Variants in CTNND2 observed in about 807,000 individuals in gnomAD.
CTNND2 encodes the protein catenin delta 2, also known as catenin delta-2.
In CTNND2, 22 loss-of-function variants were observed where a neutral mutation model predicts 144.4. The observed-to-expected ratio is 0.15, with a 90% CI of 0.11 to 0.22. CTNND2 has a LOEUF of 0.22. CTNND2 is among the 10% of genes least tolerant of loss of function. The probability of loss-of-function intolerance (pLI) is 1.00; values close to 1 mark genes in which losing one functional copy is unlikely to be tolerated. For synonymous variants in CTNND2, 751 were observed against 695.6 expected (o/e 1.08, Z -1.25); for missense variants, 1,353 against 1,618.8 (o/e 0.84, Z 2.82).
At chr5:11,838,102 T>C (rs1794274824) in intron 1 of CTNND2, among the ~76,000 whole-genome samples, 2 of 152,200 alleles carry the variant, frequency 1.3e-5, no homozygotes, top group South Asian at 4.1e-4. Flanking sequence ...CCAAACATTT[T>C]TTTGCACCTT....
chr5:11,021,066 G>A (rs1490490276), intron 17 of CTNND2, among the ~76,000 whole-genome samples: 1 of 152,154 alleles, frequency 6.6e-6, no homozygotes, highest in Admixed American at 6.5e-5. Flanking sequence ...TTCTTCAAGT[G>A]ATTTGTAATA....
intron 10 of CTNND2, among the ~76,000 whole-genome samples, chr5:11,215,123 T>G (rs1404150976): frequency 3.3e-5 from 5 of 152,182 alleles, no homozygotes; most frequent in Non-Finnish European, 5.9e-5. Flanking sequence ...TTTTGACTAC[T>G]GACTTTGAAC....
At position 11,110,843 on chromosome 5, in the gene CTNND2, A is replaced by T; in HGVS notation, c.2463+15T>A. 1 of 1,604,274 alleles carries T rather than the reference A, an allele frequency of 6.2e-7. No homozygotes were observed. The highest frequency in any genetic ancestry group is 8.5e-7 in the Non-Finnish European group (1 of 1,175,214). ...AAGGGGATAATTGCATGCAGCTGCAAGCAGCCTGCATCACCTGATCTTGGG... is the reference window on the plus strand; with the variant it reads ...AAGGGGATAATTGCATGCAGCTGCATGCAGCCTGCATCACCTGATCTTGGG... On this transcript the variant is annotated intron_variant, in intron 14 of 21. Transcript: ENST00000304623.
chr5:11,822,743 G>A (rs1313735845), intron 1 of CTNND2, among the ~76,000 whole-genome samples: 1 of 152,110 alleles, frequency 6.6e-6, no homozygotes, highest in African/African-American at 2.4e-5. Flanking sequence ...AAGTCAGTTA[G>A]GATATAAAGA....
At chr5:11,167,392 G>A (rs1759444746) in intron 11 of CTNND2, among the ~76,000 whole-genome samples, 1 of 152,184 alleles carries the variant, frequency 6.6e-6, no homozygotes, top group Non-Finnish European at 1.5e-5. Flanking sequence ...GCCCCAGAAT[G>A]GATGAAGAAT....
intron 3 of CTNND2, among the ~76,000 whole-genome samples, chr5:11,481,217 T>G (rs145772407): frequency 1.6e-3 from 248 of 152,236 alleles, no homozygotes; most frequent in African/African-American, 5.5e-3. Flanking sequence ...ATTGAAAAAT[T>G]TGATACCTTG....
chr5:11,583,725 T>A (rs1778613462), intron 2 of CTNND2, among the ~76,000 whole-genome samples: 1 of 152,234 alleles, frequency 6.6e-6, no homozygotes, highest in African/African-American at 2.4e-5. Flanking sequence ...TATAAATTTT[T>A]AAATGAAGAA....
intron 10 of CTNND2, among the ~76,000 whole-genome samples, chr5:11,199,934 A>G (rs1737257269): frequency 6.6e-6 from 1 of 152,224 alleles, no homozygotes; most frequent in South Asian, 2.1e-4. Flanking sequence ...TGCCTTAGAC[A>G]TTTCTCTCCA....
chr5:11,513,512 C>A (rs772609828), intron 3 of CTNND2, among the ~76,000 whole-genome samples: 33 of 152,166 alleles, frequency 2.2e-4, no homozygotes, highest in Non-Finnish European at 3.4e-4. Flanking sequence ...TACTTTCACT[C>A]AATTTTTCTT....
intron 2 of CTNND2, among the ~76,000 whole-genome samples, chr5:11,698,104 T>C (rs930282096): frequency 2.0e-5 from 3 of 152,096 alleles, no homozygotes; most frequent in Non-Finnish European, 2.9e-5. Context: ...GTGGGGTCCA[T>C]TGAAGATCAA....
At chr5:11,124,902 C>A (rs561541787) in intron 12 of CTNND2, among the ~76,000 whole-genome samples, 1 of 152,288 alleles carries the variant, frequency 6.6e-6, no homozygotes, top group Non-Finnish European at 1.5e-5. Context: ...AAACATCTCA[C>A]CAAAATAAGT....
At chr5:11,645,689 T>C (rs1370057275) in intron 2 of CTNND2, among the ~76,000 whole-genome samples, 1 of 152,216 alleles carries the variant, frequency 6.6e-6, no homozygotes, top group Non-Finnish European at 1.5e-5. Context: ...TGTGCACTTG[T>C]AACTGTTTCA....
chr5:11,437,339 T>G (rs1482643328), intron 3 of CTNND2, among the ~76,000 whole-genome samples: 2 of 152,224 alleles, frequency 1.3e-5, no homozygotes, highest in Non-Finnish European at 2.9e-5. Context: ...GTCATCATCT[T>G]TATGTGCCTA....
chr5:11,053,967 T>C (rs531821144), intron 16 of CTNND2, among the ~76,000 whole-genome samples: 1 of 152,352 alleles, frequency 6.6e-6, no homozygotes, highest in South Asian at 2.1e-4. Flanking sequence ...GCATCTGCAT[T>C]AGAAAGATTT....
At chr5:11,656,552 T>C (rs1782924771) in intron 2 of CTNND2, among the ~76,000 whole-genome samples, 1 of 152,010 alleles carries the variant, frequency 6.6e-6, no homozygotes, top group African/African-American at 2.4e-5. Context: ...CAAACACACA[T>C]TGCACTGTTA....
chr5:11,347,683 C>T (rs192825511), intron 8 of CTNND2, among the ~76,000 whole-genome samples: 1 of 152,240 alleles, frequency 6.6e-6, no homozygotes, highest in Admixed American at 6.5e-5. Context: ...CAAAATACAG[C>T]CAGTGGCTAG....
intron 11 of CTNND2, among the ~76,000 whole-genome samples, chr5:11,172,413 A>G (rs6861205): frequency 0.14 from 20,833 of 152,168 alleles, 1,770 homozygotes; most frequent in East Asian, 0.36. Context: ...TCATTTATTT[A>G]TTTGTTCATT....
Position 11,074,057 on chromosome 5 carries a change from C to T in CTNND2, c.2788+8639G>A, listed in dbSNP as rs77181795. Among the ~76,000 whole-genome samples, 330 of 152,282 alleles carry T rather than the reference C, an allele frequency of 2.2e-3. 2 individuals carry two copies. The highest frequency in any genetic ancestry group is 7.7e-3 in the African/African-American group (319 of 41,552). On this transcript the variant is annotated intron_variant, in intron 16 of 21. Coordinates refer to ENST00000304623, the MANE Select transcript of CTNND2 (RefSeq NM_001332.4). ...AGTACTAAAAACAGCACGTTGCCTT[C>T]CTGGGTTGCACTGGACTTTCCACAG... is the stretch of plus-strand genomic sequence containing the variant.
At chr5:11,152,137 A>G (rs1437266383) in intron 12 of CTNND2, among the ~76,000 whole-genome samples, 1 of 152,182 alleles carries the variant, frequency 6.6e-6, no homozygotes, top group Non-Finnish European at 1.5e-5. Context: ...TGAAAAAAGG[A>G]ATATTGTCTT....
Sources: gnomAD v4.1 joint callset for allele counts (sites outside exome capture counted in the v4.1 genomes callset) on GRCh38, gnomAD v4.1.1 for gene constraint, MANE v1.5 for transcripts, NCBI Gene and HGNC (gene_info 2026-07-23, HGNC 2026-07-21) for gene names.